HCN1: variants seen among roughly 807,000 people sequenced by gnomAD.
The protein encoded by HCN1 is hyperpolarization activated cyclic nucleotide gated potassium channel 1, also known as potassium/sodium hyperpolarization-activated cyclic nucleotide-gated channel 1.
HCN1 carries 13 observed loss-of-function variants against 78.9 expected under a neutral mutation model. That is an observed-to-expected ratio of 0.16 (90% confidence interval 0.11 to 0.26). HCN1 has a LOEUF of 0.26. Among genes scored for constraint, HCN1 ranks in the 10% least tolerant of loss-of-function variants. HCN1 has a pLI of 1.00. For synonymous variants in HCN1, 552 were observed against 455.5 expected, an observed-to-expected ratio of 1.21 and a Z score of -2.70; for missense variants, 810 against 1,154.3, an observed-to-expected ratio of 0.70 and a Z score of 4.32.
intron 1 of HCN1, among the ~76,000 whole-genome samples, chr5:45,686,592 T>C (rs1189445782): frequency 1.3e-5 from 2 of 152,070 alleles, no homozygotes; most frequent in African/African-American, 2.4e-5. Context: ...AGCAAGGAAC[T>C]GTGATTCTTT....
Position 45,262,158 on chromosome 5 carries a change from C to T in HCN1, c.2436G>A (p.Leu812=). ...SRPHPTVGES[L]ASIPQPVTAV... ...CCGTCACGGGTTGAGGGATGGAGGC[C>T]AGGGACTCGCCCACAGTGGGATGAG... is the stretch of plus-strand genomic sequence containing the variant. Residue 812 remains leucine (L), a synonymous_variant, in exon 8 of 8, where the codon CTG becomes CTA. Coordinates refer to ENST00000303230, the MANE Select transcript of HCN1 (RefSeq NM_021072.4). 3.1e-6 allele frequency: 5 copies of T among 1,613,896 alleles called. No homozygotes were observed. Among genetic ancestry groups the T allele is most frequent in the Non-Finnish European group, 4.2e-6 (5 of 1,179,964 alleles).
Position 45,374,283 on chromosome 5 carries a change from A to T in HCN1, c.1231-21037T>A, listed in dbSNP as rs576888867. Among the ~76,000 whole-genome samples, 79 of 103,694 alleles carry T rather than the reference A, an allele frequency of 7.6e-4. 1 individual carries two copies. The highest frequency in any genetic ancestry group is 4.2e-3 in the Middle Eastern group (1 of 240). The allele number at this position is 103,694 out of a possible 152,430, so 68.0% of individuals were successfully genotyped here. A position where few individuals can be genotyped will look rare whatever the true frequency, so the allele number is the denominator to read the frequency against. Reference sequence around the variant, plus strand: ...ACATAACATATATATTATATACATTATATACATTATATATATTGTATACAT... The same window carrying T: ...ACATAACATATATATTATATACATTTTATACATTATATATATTGTATACAT... On this transcript the variant is annotated intron_variant, in intron 4 of 7. Transcript: ENST00000303230.
intron 4 of HCN1, among the ~76,000 whole-genome samples, chr5:45,360,818 A>T (rs1747093620): frequency 6.6e-6 from 1 of 152,124 alleles, no homozygotes; most frequent in African/African-American, 2.4e-5. Flanking sequence ...CAGATGGTTT[A>T]GAGATTTGTT....
intron 3 of HCN1, among the ~76,000 whole-genome samples, chr5:45,415,581 T>C (rs891241693): frequency 2.0e-5 from 3 of 152,112 alleles, no homozygotes; most frequent in African/African-American, 7.2e-5. Flanking sequence ...GTGTGTTTTC[T>C]GGTCTCCTTT....
intron 2 of HCN1, among the ~76,000 whole-genome samples, chr5:45,566,146 A>C (rs1743703211): frequency 1.3e-5 from 2 of 152,136 alleles, no homozygotes; most frequent in African/African-American, 2.4e-5. Flanking sequence ...AATTTTTCTC[A>C]TCTCTCCTAA....
chr5:45,590,722 G>A, intron 2 of HCN1, among the ~76,000 whole-genome samples: 1 of 152,092 alleles, frequency 6.6e-6, no homozygotes, highest in East Asian at 1.9e-4. Context: ...CATATAGTTG[G>A]AATCACAAGG....
intron 2 of HCN1, among the ~76,000 whole-genome samples, chr5:45,537,266 A>G (rs984961302): frequency 6.6e-6 from 1 of 152,148 alleles, no homozygotes; most frequent in Non-Finnish European, 1.5e-5. Flanking sequence ...TTTAAAAAAA[A>G]TATTTCTTTC....
intron 2 of HCN1, among the ~76,000 whole-genome samples, chr5:45,567,834 CCTT>C (rs1743740384): frequency 6.6e-6 from 1 of 151,244 alleles, no homozygotes; most frequent in African/African-American, 2.4e-5. Context: ...GATTCAGCCT[CCTT>C]AACATGATTC....
intron 2 of HCN1, 55 bp downstream of exon 2, chr5:45,645,130 G>T: frequency 1.5e-6 from 2 of 1,309,454 alleles, no homozygotes; most frequent in Non-Finnish European, 2.2e-6. Context: ...TTGTAAAACA[G>T]CCATAATTAA....
At chr5:45,560,809 T>A (rs1404631011) in intron 2 of HCN1, among the ~76,000 whole-genome samples, 1 of 152,104 alleles carries the variant, frequency 6.6e-6, no homozygotes, top group Non-Finnish European at 1.5e-5. Context: ...ATATTGCTTT[T>A]AGTATTTTTC....
chr5:45,300,878 T>A (rs1745601631), intron 6 of HCN1, among the ~76,000 whole-genome samples: 1 of 152,068 alleles, frequency 6.6e-6, no homozygotes, highest in Non-Finnish European at 1.5e-5. Flanking sequence ...GAATAACCCA[T>A]ACAAAAGGCT....
At chr5:45,690,953 T>C (rs1739900288) in intron 1 of HCN1, among the ~76,000 whole-genome samples, 1 of 152,100 alleles carries the variant, frequency 6.6e-6, no homozygotes, top group African/African-American at 2.4e-5. Context: ...AGAATTATAT[T>C]CAGAATGATA....
chr5:45,341,346 C>T (rs1266496443), intron 5 of HCN1, among the ~76,000 whole-genome samples: 1 of 152,210 alleles, frequency 6.6e-6, no homozygotes, highest in African/African-American at 2.4e-5. Context: ...TCAGCTTTCA[C>T]AATTCTGACT....
chr5:45,417,282 A>G (rs993205899), intron 3 of HCN1, among the ~76,000 whole-genome samples: 1 of 151,930 alleles, frequency 6.6e-6, no homozygotes, highest in African/African-American at 2.4e-5. Flanking sequence ...CACCTACTAC[A>G]TTAATGTAAT....
chr5:45,393,652 G>C (rs10045420), intron 4 of HCN1, among the ~76,000 whole-genome samples: 46,695 of 152,026 alleles, frequency 0.31, 8,968 homozygotes, highest in African/African-American at 0.53. Context: ...ACTTCTGTAA[G>C]ATTGTTTCAA....
intron 2 of HCN1, among the ~76,000 whole-genome samples, chr5:45,484,098 T>C (rs538840573): frequency 2.0e-5 from 3 of 152,124 alleles, no homozygotes; most frequent in Non-Finnish European, 4.4e-5. Context: ...GAAAGCTGTA[T>C]TTTAAACAAA....
Position 45,298,281 on chromosome 5 carries a change from G to C in HCN1, c.1618+5318C>G, listed in dbSNP as rs149958001. Among the ~76,000 whole-genome samples, 122 of 152,064 alleles carry C rather than the reference G, an allele frequency of 8.0e-4. 1 individual carries two copies. The East Asian group carries it at 0.021, about 26-fold the overall frequency. On this transcript the variant is annotated intron_variant, in intron 6 of 7. Coordinates refer to ENST00000303230, the MANE Select transcript of HCN1 (RefSeq NM_021072.4). ...TTTATAAACAGAGAAAGAAGAACTT[G>C]GTCTTCCACATGAGCATGTTCAGCT... is the stretch of plus-strand genomic sequence containing the variant.
At chr5:45,315,890 A>T (rs1222604927) in intron 5 of HCN1, among the ~76,000 whole-genome samples, 1 of 152,226 alleles carries the variant, frequency 6.6e-6, no homozygotes, top group African/African-American at 2.4e-5. Context: ...TGAATAGACC[A>T]ATAACAGGCT....
intron 2 of HCN1, among the ~76,000 whole-genome samples, chr5:45,514,603 T>C (rs1314927754): frequency 1.3e-5 from 2 of 152,102 alleles, no homozygotes; most frequent in Non-Finnish European, 2.9e-5. Flanking sequence ...AAAACCAACC[T>C]TCCCAAAATT....
Sources: gnomAD v4.1 joint callset for allele counts (sites outside exome capture counted in the v4.1 genomes callset) on GRCh38, gnomAD v4.1.1 for gene constraint, MANE v1.5 for transcripts, NCBI Gene and HGNC (gene_info 2026-07-23, HGNC 2026-07-21) for gene names.